DIPK2B: variants seen among roughly 807,000 people sequenced by gnomAD.
DIPK2B encodes UPF0672 protein CXorf36.
In DIPK2B, 15 loss-of-function variants were observed where a neutral mutation model predicts 22.2. The ratio of observed to expected loss-of-function variants is 0.68; its 90% CI spans 0.45 to 1.04. The LOEUF (loss-of-function observed/expected upper bound fraction) is 1.04, where lower values mean the gene tolerates loss of function less well. DIPK2B is among the 50% of genes least tolerant of loss of function. The pLI, the probability that DIPK2B is intolerant of heterozygous loss-of-function variation, is 0.00. For synonymous variants in DIPK2B, 163 were observed against 153.2 expected (o/e 1.06, Z -0.47); for missense variants, 345 against 348.3 (o/e 0.99, Z 0.08).
chrX:45,173,513 TTTTCTTTCTTTCTTTCTTCC>T (rs1383141988), intron 2 of DIPK2B, among the ~76,000 whole-genome samples: 1 of 75,308 alleles, frequency 1.3e-5, no homozygotes, highest in Non-Finnish European at 2.4e-5. Flanking sequence ...CTTTCTTTCT[TTTTCTTTCTTTCTTTCTTCC>T]TTTCTTTCTT....
chrX:45,174,680 A>T (rs369578275), intron 2 of DIPK2B, among the ~76,000 whole-genome samples: 50 of 110,580 alleles, frequency 4.5e-4, no homozygotes, highest in African/African-American at 1.2e-3. Context: ...GGTCTATGGG[A>T]TACAGACATG....
At chrX:45,174,017 G>A (rs1043124759) in intron 2 of DIPK2B, among the ~76,000 whole-genome samples, 1 of 111,152 alleles carries the variant, frequency 9.0e-6, no homozygotes, top group Non-Finnish European at 1.9e-5. Context: ...AGAAAAGCAG[G>A]CAACTTCCTA....
intron 2 of DIPK2B, among the ~76,000 whole-genome samples, chrX:45,158,861 C>T (rs180942977): frequency 3.6e-5 from 4 of 112,018 alleles, no homozygotes; most frequent in African/African-American, 1.3e-4. Context: ...AGGCCCTCCA[C>T]GAAGTAGGTG....
intron 3 of DIPK2B, among the ~76,000 whole-genome samples, 178 bp from the exon 4 acceptor site, chrX:45,154,376 C>A (rs1390475715): frequency 4.5e-5 from 5 of 110,757 alleles, no homozygotes; most frequent in Admixed American, 1.9e-4. Context: ...CTATCTATCT[C>A]TATCTACCTA....
chrX:45,162,687 C>A (rs1291508756), intron 2 of DIPK2B: 3 of 754,552 alleles, frequency 4.0e-6, no homozygotes, highest in Non-Finnish European at 4.7e-6. Context: ...ACATGGGCAA[C>A]AGGGCTAACT....
chrX:45,170,195 G>A (rs1375410808), intron 2 of DIPK2B, among the ~76,000 whole-genome samples: 1 of 98,392 alleles, frequency 1.0e-5, no homozygotes. Context: ...AGTGAGCCAA[G>A]ATTGCACCAC....
At chrX:45,176,385 A>G (rs1046762595) in intron 2 of DIPK2B, among the ~76,000 whole-genome samples, 1 of 112,109 alleles carries the variant, frequency 8.9e-6, no homozygotes, top group Non-Finnish European at 1.9e-5. Flanking sequence ...TCAATATGCT[A>G]TAAGGTAGTT....
chrX:45,171,766 A>G (rs1011274393), intron 2 of DIPK2B, among the ~76,000 whole-genome samples: 1 of 112,594 alleles, frequency 8.9e-6, no homozygotes, highest in South Asian at 3.6e-4. Context: ...TCTGTGCTAT[A>G]TAGGCCTTGT....
chrX:45,167,456 G>T (rs959077447), intron 2 of DIPK2B, among the ~76,000 whole-genome samples: 1 of 90,977 alleles, frequency 1.1e-5, no homozygotes, highest in Non-Finnish European at 2.1e-5. Flanking sequence ...TATGCCATAT[G>T]CATGGCACTC....
intron 2 of DIPK2B, among the ~76,000 whole-genome samples, chrX:45,186,443 T>C (rs1471618300): frequency 8.9e-6 from 1 of 111,926 alleles, no homozygotes; most frequent in East Asian, 2.8e-4. Flanking sequence ...TTGCCTTGTG[T>C]GATACTGTGG....
chrX:45,161,857 C>T (rs1345955076), intron 2 of DIPK2B, among the ~76,000 whole-genome samples: 4 of 111,739 alleles, frequency 3.6e-5, no homozygotes, highest in African/African-American at 6.5e-5. Context: ...TTTTAAAACA[C>T]GTTTGTAAAC....
chrX:45,198,850 A>G lies in DIPK2B; in HGVS notation c.233+1744T>C, dbSNP rs1005028500. Among the ~76,000 whole-genome samples, 4 of 111,544 alleles carry G rather than the reference A, an allele frequency of 3.6e-5. No homozygotes were observed. The East Asian group carries it at 1.1e-3, about 32-fold the overall frequency. ...TCTGCATATTTATTTCCTCTCGCATAGTGTTGGTCAACAGGATGACTCTAT... is the reference window on the plus strand; with the variant it reads ...TCTGCATATTTATTTCCTCTCGCATGGTGTTGGTCAACAGGATGACTCTAT... On this transcript the variant is annotated intron_variant, in intron 1 of 4. Coordinates refer to ENST00000398000, the MANE Select transcript of DIPK2B (RefSeq NM_176819.4).
rs761998351 is a variant in DIPK2B, at chrX:45,170,239, G to T, written c.499-12351C>A. ...AGCCTGGGCAACAGAGCAAGACTCC[G>T]TCTCAAAAAAAAAAAAAAAAAAAAA... On this transcript the variant is annotated intron_variant, in intron 2 of 4. Transcript: ENST00000398000. Among the ~76,000 whole-genome samples the T allele has an allele frequency of 8.6e-5, 6 of 69,980 alleles. No homozygotes were observed. The South Asian group carries it at 4.9e-3, about 57-fold the overall frequency. The allele number at this position is 69,980 out of a possible 115,157, so 60.8% of individuals were successfully genotyped here.
At chrX:45,171,480 C>T (rs1040241542) in intron 2 of DIPK2B, among the ~76,000 whole-genome samples, 5 of 111,353 alleles carry the variant, frequency 4.5e-5, no homozygotes, top group African/African-American at 1.6e-4. Context: ...GGTGCCTGCT[C>T]AAGTGTGAGA....
At chrX:45,161,140 C>T (rs770482684) in intron 2 of DIPK2B, among the ~76,000 whole-genome samples, 62 of 112,478 alleles carry the variant, frequency 5.5e-4, no homozygotes, top group Non-Finnish European at 1.1e-3. Flanking sequence ...CCAGGGCACA[C>T]TAAGGGCTGT....
chrX:45,176,265 T>C (rs1272059092), intron 2 of DIPK2B, among the ~76,000 whole-genome samples: 1 of 102,612 alleles, frequency 9.7e-6, no homozygotes, highest in Non-Finnish European at 1.9e-5. Context: ...GAAGTGAGCC[T>C]CATGAGTTTC....
At chrX:45,173,817 C>T (rs781672490) in intron 2 of DIPK2B, among the ~76,000 whole-genome samples, 36 of 110,693 alleles carry the variant, frequency 3.3e-4, no homozygotes, top group Middle Eastern at 4.7e-3. Flanking sequence ...GCGATCCTCC[C>T]GCCTTGGCCT....
In DIPK2B at chrX:45,172,290, G is replaced by A. The variant is rs779462348; in HGVS notation, c.499-14402C>T. Among the ~76,000 whole-genome samples, 4 of 111,842 alleles carry A rather than the reference G, an allele frequency of 3.6e-5. No individual in the cohort carries two copies. The South Asian group carries it at 1.1e-3, about 32-fold the overall frequency. ...AGATACAAGCAAATGGTTGCTTTGG[G>A]GGACTTGTGTTGTCTTGGTTAAGTA... On this transcript the variant is annotated intron_variant, in intron 2 of 4. Coordinates refer to ENST00000398000, the MANE Select transcript of DIPK2B (RefSeq NM_176819.4).
chrX:45,173,931 C>T (rs1203682212), intron 2 of DIPK2B, among the ~76,000 whole-genome samples: 3 of 111,444 alleles, frequency 2.7e-5, no homozygotes, highest in African/African-American at 6.5e-5. Context: ...GCCCTCATTC[C>T]TCTGCACCCT....
Sources: allele counts gnomAD v4.1 joint callset (sites outside exome capture counted in the v4.1 genomes callset), GRCh38; gene constraint gnomAD v4.1.1; transcripts MANE v1.5; gene names NCBI Gene and HGNC (gene_info 2026-07-23, HGNC 2026-07-21).